Variants in PPM1L observed in about 807,000 individuals in gnomAD.
PPM1L encodes protein phosphatase, Mg2+/Mn2+ dependent 1L, also known as protein phosphatase 1L.
PPM1L carries 13 observed loss-of-function variants against 31.4 expected under a neutral mutation model. That is an observed-to-expected ratio of 0.41 (90% CI 0.27 to 0.66). The LOEUF is 0.66. Ranked by LOEUF, PPM1L falls within the 30% of genes least tolerant of loss-of-function variation. PPM1L has a pLI of 0.29. For missense variants in PPM1L, 326 were observed against 453.7 expected (o/e 0.72, Z 2.56); for synonymous variants, 184 against 175.4 (o/e 1.05, Z -0.39).
intron 1 of PPM1L, among the ~76,000 whole-genome samples, chr3:160,814,135 T>C (rs1712894010): frequency 6.6e-6 from 1 of 152,226 alleles, no homozygotes; most frequent in South Asian, 2.1e-4. Flanking sequence ...CAACCTTTTA[T>C]GGCCTAGAAA....
At chr3:160,873,237 G>A (rs1382614885) in intron 1 of PPM1L, among the ~76,000 whole-genome samples, 1 of 152,066 alleles carries the variant, frequency 6.6e-6, no homozygotes, top group African/African-American at 2.4e-5. Context: ...AAGCATATGG[G>A]CATCTCTCCC....
In PPM1L at chr3:160,784,391, A is replaced by G. The variant is rs1711838979; in HGVS notation, c.399+27684A>G. Among the ~76,000 whole-genome samples, 3 of 152,296 alleles carry G rather than the reference A, an allele frequency of 2.0e-5. No individual in the cohort carries two copies. The South Asian group carries it at 6.2e-4, about 32-fold the overall frequency. Reference sequence around the variant, plus strand: ...GGAAAAGTTGTAAAGAGCCAAGCAAATCATCTTCTACCATATGAATAGTTA... The same window carrying G: ...GGAAAAGTTGTAAAGAGCCAAGCAAGTCATCTTCTACCATATGAATAGTTA... On this transcript the variant is annotated intron_variant, in intron 1 of 3. Transcript: ENST00000498165.
Position 160,881,030 on chromosome 3 carries a change from T to C in PPM1L, c.400-80706T>C, listed in dbSNP as rs368843246. Among the ~76,000 whole-genome samples the C allele has an allele frequency of 5.3e-5, 8 of 152,358 alleles. No homozygotes were observed. In the East Asian group the frequency reaches 7.7e-4, roughly 15 times the overall value. ...TATGGTAATGTTTTAAATGGTTGTATGTGTGATTCTTGATACAGAGAACAG... is the reference window on the plus strand; with the variant it reads ...TATGGTAATGTTTTAAATGGTTGTACGTGTGATTCTTGATACAGAGAACAG... On this transcript the variant is annotated intron_variant, in intron 1 of 3. Coordinates refer to ENST00000498165, the MANE Select transcript of PPM1L (RefSeq NM_139245.4).
Position 161,069,227 on chromosome 3 carries a change from A to G in PPM1L, c.*70A>G. ...ACACTGGTCTCTTTTAATTTAGTGA[A>G]AAGTGTGGGAGTTGTAATTAGGATC... On this transcript the variant is annotated 3_prime_UTR_variant, in exon 4 of 4. Transcript: ENST00000498165. 1 of 1,186,102 alleles carries G rather than the reference A, an allele frequency of 8.4e-7. No individual in the cohort carries two copies. Among genetic ancestry groups the G allele is most frequent in the Non-Finnish European group, 1.2e-6 (1 of 853,724 alleles). The allele number at this position is 1,186,102 out of a possible 1,614,324, so 73.5% of individuals were successfully genotyped here.
At chr3:160,793,692 A>C (rs1712165267) in intron 1 of PPM1L, among the ~76,000 whole-genome samples, 1 of 152,212 alleles carries the variant, frequency 6.6e-6, no homozygotes, top group South Asian at 2.1e-4. Flanking sequence ...TCTGAAAAGG[A>C]ATTTGAATGA....
chr3:161,050,902 A>G (rs1342112918), intron 2 of PPM1L, among the ~76,000 whole-genome samples: 1 of 152,240 alleles, frequency 6.6e-6, no homozygotes, highest in Non-Finnish European at 1.5e-5. Flanking sequence ...AAAGAGCATA[A>G]ACAAGTATTT....
intron 1 of PPM1L, among the ~76,000 whole-genome samples, chr3:160,924,129 A>G (rs983560296): frequency 6.6e-6 from 1 of 152,212 alleles, no homozygotes; most frequent in South Asian, 2.1e-4. Flanking sequence ...AAATGCTGAA[A>G]GAGGGTGCGA....
At chr3:160,980,712 A>AAAAG (rs10700379) in intron 2 of PPM1L, among the ~76,000 whole-genome samples, 58,609 of 147,880 alleles carry the variant, frequency 0.4, 13,280 homozygotes, top group Non-Finnish European at 0.52. Context: ...GAGAGAAAAA[A>AAAAG]AAAGAGAGAG....
intron 2 of PPM1L, among the ~76,000 whole-genome samples, chr3:161,024,150 A>G (rs1030359131): frequency 6.6e-6 from 1 of 151,808 alleles, no homozygotes; most frequent in African/African-American, 2.4e-5. Flanking sequence ...CTGTAGTCCC[A>G]GCTACTCAGG....
At chr3:160,779,729 A>G (rs1711682515) in intron 1 of PPM1L, among the ~76,000 whole-genome samples, 1 of 150,364 alleles carries the variant, frequency 6.7e-6, no homozygotes, top group Non-Finnish European at 1.5e-5. Flanking sequence ...ACGGAGTTTC[A>G]CCATGTTGGC....
intron 1 of PPM1L, among the ~76,000 whole-genome samples, chr3:160,921,227 G>A (rs540421706): frequency 6.6e-6 from 1 of 152,250 alleles, no homozygotes; most frequent in Admixed American, 6.5e-5. Flanking sequence ...ACTAGATGAC[G>A]CTTCGGCATT....
rs575700519 is a variant in PPM1L, at chr3:160,825,041, A to G, written c.399+68334A>G. On this transcript the variant is annotated intron_variant, in intron 1 of 3. Coordinates refer to ENST00000498165, the MANE Select transcript of PPM1L (RefSeq NM_139245.4). ...GTGTCATAAATATGATGATGGCTCAAATGGTTAAACTATGTGCCAAAAAAA... is the reference window on the plus strand; with the variant it reads ...GTGTCATAAATATGATGATGGCTCAGATGGTTAAACTATGTGCCAAAAAAA... Among the ~76,000 whole-genome samples the G allele has an allele frequency of 1.9e-4, 29 of 152,222 alleles. No individual in the cohort carries two copies. In the South Asian group the frequency reaches 6.0e-3, roughly 32 times the overall value.
intron 1 of PPM1L, among the ~76,000 whole-genome samples, chr3:160,914,030 A>AT (rs961460486): frequency 6.6e-6 from 1 of 152,062 alleles, no homozygotes; most frequent in Non-Finnish European, 1.5e-5. Context: ...TGGTTGTATC[A>AT]TTTTTTTCTT....
intron 2 of PPM1L, among the ~76,000 whole-genome samples, chr3:161,017,146 G>A (rs917505413): frequency 5.3e-5 from 8 of 152,086 alleles, no homozygotes; most frequent in African/African-American, 1.9e-4. Context: ...TTTTTCGGAG[G>A]TGGATTTTTA....
At chr3:160,854,190 A>C (rs751671681) in intron 1 of PPM1L, among the ~76,000 whole-genome samples, 1 of 152,154 alleles carries the variant, frequency 6.6e-6, no homozygotes, top group Non-Finnish European at 1.5e-5. Context: ...TTTGTTTTAC[A>C]ATGAAGACTA....
intron 1 of PPM1L, among the ~76,000 whole-genome samples, chr3:160,853,129 T>G (rs1455276982): frequency 6.6e-6 from 1 of 152,166 alleles, no homozygotes; most frequent in Non-Finnish European, 1.5e-5. Flanking sequence ...TGCTTCCTCC[T>G]CTTTTGTCTG....
rs967221670 is a variant in PPM1L, at chr3:161,069,471, T to C, written c.*314T>C. 15 of 303,916 alleles carry C rather than the reference T, an allele frequency of 4.9e-5. No homozygotes were observed. Among genetic ancestry groups the C allele is most frequent in the Non-Finnish European group, 9.3e-5 (15 of 161,652 alleles). 18.8% of individuals were successfully genotyped at this position (303,916 alleles called of 1,614,324 possible). ...ATGTGTCATTTAGTCTCCCTGAAGA[T>C]TCTTTTCAAGATCCTGTTCAGGGTC... is the stretch of plus-strand genomic sequence containing the variant. On this transcript the variant is annotated 3_prime_UTR_variant, in exon 4 of 4. Transcript: ENST00000498165.
At chr3:160,984,292 T>C (rs994952206) in intron 2 of PPM1L, among the ~76,000 whole-genome samples, 5 of 152,186 alleles carry the variant, frequency 3.3e-5, no homozygotes, top group Admixed American at 3.3e-4. Flanking sequence ...GGGGAAAGAA[T>C]TCAGCGATAC....
intron 1 of PPM1L, among the ~76,000 whole-genome samples, chr3:160,954,331 T>A (rs548173186): frequency 2.3e-3 from 352 of 152,322 alleles, no homozygotes; most frequent in African/African-American, 8.3e-3. Flanking sequence ...CACCCTTTTT[T>A]TTTTCCTCAC....
Sources: gnomAD v4.1 joint callset for allele counts (sites outside exome capture counted in the v4.1 genomes callset) on GRCh38, gnomAD v4.1.1 for gene constraint, MANE v1.5 for transcripts, NCBI Gene and HGNC (gene_info 2026-07-23, HGNC 2026-07-21) for gene names.